Variants in KLF7 observed in about 807,000 individuals in gnomAD.
KLF7 encodes the protein Krueppel-like factor 7.
In KLF7, 2 loss-of-function variants were observed where a neutral mutation model predicts 27.3. That is an observed-to-expected ratio of 0.07 (90% confidence interval 0.03 to 0.23). The LOEUF (loss-of-function observed/expected upper bound fraction) is 0.23. KLF7 is among the 10% of genes least tolerant of loss of function. The pLI is 1.00. For synonymous variants in KLF7, 165 were observed against 162.4 expected (o/e 1.02, Z -0.12); for missense variants, 221 against 394.1 (o/e 0.56, Z 3.72).
intron 2 of KLF7, among the ~76,000 whole-genome samples, chr2:207,120,133 G>C (rs973475536): frequency 1.3e-5 from 2 of 152,004 alleles, no homozygotes; most frequent in Admixed American, 6.6e-5. Flanking sequence ...GGCAACCTGC[G>C]TTTGTGCCCT....
At chr2:207,127,252 T>C (rs182315590) in intron 1 of KLF7, among the ~76,000 whole-genome samples, 1,810 of 151,798 alleles carry the variant, frequency 0.012, 19 homozygotes, top group Middle Eastern at 0.031. Context: ...CTCCTGAAAA[T>C]TGAAGAAGCA....
intron 2 of KLF7, among the ~76,000 whole-genome samples, chr2:207,106,254 T>TA (rs2076880725): frequency 6.6e-6 from 1 of 152,160 alleles, no homozygotes; most frequent in Non-Finnish European, 1.5e-5. Flanking sequence ...TTTAAAACAT[T>TA]ACTCTAGCTA....
At position 207,124,269 on chromosome 2, in the gene KLF7, G is replaced by C. The variant is rs1317883622; in HGVS notation, c.238C>G (p.Leu80Val). 1.2e-6 allele frequency: 2 copies of C among 1,614,014 alleles called. No individual in the cohort carries two copies. Among genetic ancestry groups the C allele is most frequent in the Admixed American group, 3.3e-5 (2 of 60,010 alleles). The change falls in exon 2 of 4, where the codon CTG (leucine) becomes GTG (valine). Residue 80 changes from leucine to valine, a missense_variant. Physicochemically the swap from Leu to Val is conservative, Grantham distance 32. Coordinates refer to ENST00000309446, the MANE Select transcript of KLF7 (RefSeq NM_003709.4). Reference sequence around the variant, plus strand: ...ATGGCCGCTTCCACGGGGAGCAGCAGGGGGTCTAAGCGACGGAAGCTTTCC... The same window carrying C: ...ATGGCCGCTTCCACGGGGAGCAGCACGGGGTCTAAGCGACGGAAGCTTTCC... ...IEESFRRLDP[L>V]LLPVEAAICE...
intron 2 of KLF7, among the ~76,000 whole-genome samples, chr2:207,104,360 T>C (rs1296295164): frequency 6.6e-6 from 1 of 152,180 alleles, no homozygotes; most frequent in Non-Finnish European, 1.5e-5. Flanking sequence ...AGGTACAAAA[T>C]GTTATACGTA....
rs565796886 is a variant in KLF7, at chr2:207,096,283, G to A, written c.734-7702C>T. Among the ~76,000 whole-genome samples, 26 of 152,220 alleles carry A rather than the reference G, an allele frequency of 1.7e-4. No individual in the cohort carries two copies. In the South Asian group the frequency reaches 4.2e-3, roughly 24 times the overall value. On this transcript the variant is annotated intron_variant, in intron 2 of 3. Transcript: ENST00000309446. ...TATTCTCATTACTACCAACCTTGTC[G>A]TGTACAAGACCCTGAATGCTTCACC...
rs773220547 is a variant in KLF7 at position 207,077,193 on chromosome 2, T to G, written c.*4020A>C. 4 of 152,216 alleles carry G rather than the reference T, an allele frequency of 2.6e-5. No homozygotes were observed. The highest frequency in any genetic ancestry group is 5.9e-5 in the Non-Finnish European group (4 of 68,032). 9.4% of individuals were successfully genotyped at this position (152,216 alleles called of 1,614,324 possible). A position where few individuals can be genotyped will look rare whatever the true frequency, so the allele number is the denominator to read the frequency against. On this transcript the variant is annotated 3_prime_UTR_variant, in exon 4 of 4. Coordinates refer to ENST00000309446, the MANE Select transcript of KLF7 (RefSeq NM_003709.4). ...TGGGTTTTGTTCTTGCAACTTGAGT[T>G]TCTTTTGGCTTTGCCATAAAATGCA...
intron 1 of KLF7, among the ~76,000 whole-genome samples, chr2:207,152,227 T>C (rs1324771224): frequency 6.7e-6 from 1 of 148,992 alleles, no homozygotes; most frequent in Non-Finnish European, 1.5e-5. Flanking sequence ...ACAACATGCT[T>C]CTATGTCAGA....
intron 1 of KLF7, among the ~76,000 whole-genome samples, chr2:207,155,774 A>G (rs1460605898): frequency 2.6e-5 from 4 of 152,188 alleles, no homozygotes; most frequent in African/African-American, 4.8e-5. Context: ...CTTCAACACC[A>G]TAGTCAGAAG....
intron 1 of KLF7, among the ~76,000 whole-genome samples, chr2:207,164,239 T>G (rs1441318781): frequency 6.6e-6 from 1 of 152,226 alleles, no homozygotes; most frequent in East Asian, 1.9e-4. Flanking sequence ...CAGAGGAAAT[T>G]CAGCCGTTCA....
chr2:207,081,177 T>C lies in KLF7; in HGVS notation c.*36A>G, dbSNP rs2076262427. ...GCCTCATGGCGTTTCCTTTAGACAC[T>C]AGCCGATGCCATGGCAACTCTGGCC... On this transcript the variant is annotated 3_prime_UTR_variant, in exon 4 of 4. Transcript: ENST00000309446. 4 of 1,601,334 alleles carry C rather than the reference T, an allele frequency of 2.5e-6. No homozygotes were observed. The highest frequency in any genetic ancestry group is 2.2e-5 in the South Asian group (2 of 90,818).
Position 207,088,441 on chromosome 2 carries a change from C to G in KLF7, c.857+17G>C. On this transcript the variant is annotated intron_variant, in intron 3 of 3. Coordinates refer to ENST00000309446, the MANE Select transcript of KLF7 (RefSeq NM_003709.4). ...CCATCTCTCCTCCCTAGCCCATCAACTTCTACTTCTCTTTACCTGTCGCAG... is the reference window on the plus strand; with the variant it reads ...CCATCTCTCCTCCCTAGCCCATCAAGTTCTACTTCTCTTTACCTGTCGCAG... The G allele has an allele frequency of 6.2e-7, 1 of 1,612,626 alleles. No individual in the cohort carries two copies. The highest frequency in any genetic ancestry group is 8.5e-7 in the Non-Finnish European group (1 of 1,178,896).
In KLF7 at chr2:207,080,482, G is replaced by A. The variant is rs1486587988; in HGVS notation, c.*731C>T. ...AGAAAAGAAAACTCCTCCCTTGAGA[G>A]TGAAGTCTACAGAAATGCAGGCCAG... On this transcript the variant is annotated 3_prime_UTR_variant, in exon 4 of 4. Coordinates refer to ENST00000309446, the MANE Select transcript of KLF7 (RefSeq NM_003709.4). 9.6e-6 allele frequency: 2 copies of A among 207,784 alleles called. No individual in the cohort carries two copies. The highest frequency in any genetic ancestry group is 1.9e-5 in the Non-Finnish European group (2 of 104,838). The allele number at this position is 207,784 out of a possible 1,614,324, so 12.9% of individuals were successfully genotyped here.
rs750647810 is a variant in KLF7 at position 207,074,832 on chromosome 2, A to G, written c.*6381T>C. The G allele has an allele frequency of 3.3e-5, 5 of 152,136 alleles. No homozygotes were observed. The highest frequency in any genetic ancestry group is 4.8e-5 in the African/African-American group (2 of 41,440). 9.4% of individuals were successfully genotyped at this position (152,136 alleles called of 1,614,324 possible). A position where few individuals can be genotyped will look rare whatever the true frequency, so the allele number is the denominator to read the frequency against. On this transcript the variant is annotated 3_prime_UTR_variant, in exon 4 of 4. Coordinates refer to ENST00000309446, the MANE Select transcript of KLF7 (RefSeq NM_003709.4). Reference sequence around the variant, plus strand: ...AATATTGCTTTTCATAATCTCCAACAATTGGCTCCCTTTTTCCCCTTGAAG... The same window carrying G: ...AATATTGCTTTTCATAATCTCCAACGATTGGCTCCCTTTTTCCCCTTGAAG...
intron 1 of KLF7, among the ~76,000 whole-genome samples, chr2:207,139,039 C>T (rs978063137): frequency 9.2e-5 from 14 of 152,106 alleles, no homozygotes; most frequent in Non-Finnish European, 1.9e-4. Flanking sequence ...ATCCTTTTTG[C>T]GAAGGTAGGG....
At chr2:207,147,112 G>A (rs1410559339) in intron 1 of KLF7, among the ~76,000 whole-genome samples, 1 of 152,252 alleles carries the variant, frequency 6.6e-6, no homozygotes, top group South Asian at 2.1e-4. Context: ...GTTAAGAGAG[G>A]GGTGAAGTGT....
intron 2 of KLF7, among the ~76,000 whole-genome samples, chr2:207,122,294 TC>T (rs373002138): frequency 4.5e-4 from 69 of 152,058 alleles, no homozygotes; most frequent in African/African-American, 1.6e-3. Flanking sequence ...TAGGAGACCG[TC>T]CCATGAACCA....
intron 2 of KLF7, among the ~76,000 whole-genome samples, chr2:207,111,690 T>A (rs1421593653): frequency 6.6e-6 from 1 of 152,190 alleles, no homozygotes; most frequent in South Asian, 2.1e-4. Flanking sequence ...CTTGCTTGTA[T>A]GCCTGCACTC....
At chr2:207,106,274 G>A (rs1236582401) in intron 2 of KLF7, among the ~76,000 whole-genome samples, 2 of 152,202 alleles carry the variant, frequency 1.3e-5, no homozygotes, top group Admixed American at 6.5e-5. Flanking sequence ...ACAAAATGGA[G>A]AATGGGCTGC....
intron 2 of KLF7, among the ~76,000 whole-genome samples, chr2:207,107,096 C>T (rs2076901580): frequency 6.6e-6 from 1 of 152,168 alleles, no homozygotes; most frequent in South Asian, 2.1e-4. Flanking sequence ...CCAGCCACGT[C>T]AATACCTGCC....
Sources: gnomAD v4.1 joint callset for allele counts (sites outside exome capture counted in the v4.1 genomes callset) on GRCh38, gnomAD v4.1.1 for gene constraint, MANE v1.5 for transcripts, NCBI Gene and HGNC (gene_info 2026-07-23, HGNC 2026-07-21) for gene names.